CRAT: variants seen among roughly 807,000 people sequenced by gnomAD.
CRAT encodes the protein carnitine acetylase.
A neutral mutation model predicts 73.7 loss-of-function variants in CRAT; 66 were observed. That is an observed-to-expected ratio of 0.90 (90% CI 0.73 to 1.10). The LOEUF (loss-of-function observed/expected upper bound fraction) is 1.10, where lower values mean the gene tolerates loss of function less well. Ranked by LOEUF, CRAT falls within the 50% of genes least tolerant of loss-of-function variation. The pLI, the probability that CRAT is intolerant of heterozygous loss-of-function variation, is 0.00. For missense variants in CRAT, 745 were observed against 846.9 expected (o/e 0.88, Z 1.49); for synonymous variants, 321 against 343.2 (o/e 0.94, Z 0.71).
In CRAT at chr9:129,103,107, C is replaced by A. The variant is rs757871900; in HGVS notation, c.411-41G>T. ...AGAGATTAGAAGCTGCGTGGACACC[C>A]TGAGGGAGGCCCCGGGCTAGGGACA... On this transcript the variant is annotated intron_variant, in intron 3 of 13. Coordinates refer to ENST00000318080, the MANE Select transcript of CRAT (RefSeq NM_000755.5). The surrounding 1 kb of genome is among the most constrained non-coding windows in gnomAD (Gnocchi z 4.6). 6.3e-7 allele frequency: 1 copy of A among 1,575,696 alleles called. No homozygotes were observed.
rs1466679366 is a variant in CRAT at position 129,110,014 on chromosome 9, C to T, written c.27+469G>A. On this transcript the variant is annotated intron_variant, in intron 1 of 13. Transcript: ENST00000318080. The surrounding 1 kb of genome is among the most constrained non-coding windows in gnomAD (Gnocchi z 5.3). ...TTCTGAGGCCTTTCTAGCTTGATGC[C>T]TCCGCGTGTTTCTCTGGCCACACAC... Among the ~76,000 whole-genome samples, 4 of 152,130 alleles carry T rather than the reference C, an allele frequency of 2.6e-5. No individual in the cohort carries two copies. Among genetic ancestry groups the T allele is most frequent in the Non-Finnish European group, 5.9e-5 (4 of 68,008 alleles).
rs1847828455 is a variant in CRAT, at chr9:129,103,706, G to A, written c.410+482C>T. Among the ~76,000 whole-genome samples the A allele has an allele frequency of 6.6e-6, 1 of 152,186 alleles. No individual in the cohort carries two copies. The highest frequency in any genetic ancestry group is 2.4e-5 in the African/African-American group (1 of 41,442). On this transcript the variant is annotated intron_variant, in intron 3 of 13. Transcript: ENST00000318080. This position sits in a 1 kb window ranked among gnomAD's most constrained non-coding sequence, Gnocchi z 4.6. Reference sequence around the variant, plus strand: ...CCTGGTCCCTTTAAGAGAAGCAGGTGGTGGCAGCCAGTGGCTGGTCCTTGG... The same window carrying A: ...CCTGGTCCCTTTAAGAGAAGCAGGTAGTGGCAGCCAGTGGCTGGTCCTTGG...
At chr9:129,109,243 GC>G in intron 1 of CRAT, 1 of 1,304,206 alleles carries the variant, frequency 7.7e-7, no homozygotes, top group Non-Finnish European at 1.0e-6. Context: ...AGACTGCCTG[GC>G]CGCTGAGGTT....
chr9:129,104,936 T>C lies in CRAT; in HGVS notation c.292-630A>G, dbSNP rs1365143518. On this transcript the variant is annotated intron_variant, in intron 2 of 13. Coordinates refer to ENST00000318080, the MANE Select transcript of CRAT (RefSeq NM_000755.5). ...TTTTTTTTGAGACGGAGTCTCGCTC[T>C]GTCCCCCACGCTGGAGTGCAGTGGC... Among the ~76,000 whole-genome samples, 11 of 134,532 alleles carry C rather than the reference T, an allele frequency of 8.2e-5. No homozygotes were observed. The Admixed American group carries it at 8.9e-4, about 11-fold the overall frequency. The allele number at this position is 134,532 out of a possible 152,430, so 88.3% of individuals were successfully genotyped here. A position where few individuals can be genotyped will look rare whatever the true frequency, so the allele number is the denominator to read the frequency against.
At chr9:129,100,323 C>G (rs1378014365) in intron 7 of CRAT, 188 bp downstream of exon 7, 1 of 711,108 alleles carries the variant, frequency 1.4e-6, no homozygotes, top group African/African-American at 1.8e-5. Flanking sequence ...GGTTTCCAGG[C>G]CAGAGGCAGG....
At chr9:129,100,105 T>C (rs1467270579) in intron 7 of CRAT, 139 bp from the exon 8 acceptor site, 2 of 628,932 alleles carry the variant, frequency 3.2e-6, no homozygotes, top group South Asian at 4.0e-5. Context: ...TTATTAACAA[T>C]AGCTGACACT....
At chr9:129,102,852 T>C (rs1011559500) in intron 4 of CRAT, among the ~76,000 whole-genome samples, 161 bp downstream of exon 4, 10 of 151,986 alleles carry the variant, frequency 6.6e-5, no homozygotes, top group Admixed American at 5.9e-4. Flanking sequence ...TCCTCTTTAG[T>C]TGGGATGGGA....
rs1848346853 is a variant in CRAT, at chr9:129,110,399, G to A, written c.27+84C>T. 5 of 1,377,198 alleles carry A rather than the reference G, an allele frequency of 3.6e-6. No homozygotes were observed. The highest frequency in any genetic ancestry group is 1.5e-5 in the African/African-American group (1 of 65,694). 85.3% of individuals were successfully genotyped at this position (1,377,198 alleles called of 1,614,324 possible). ...GAGGCCGGGTCGAACAGCGGCCGCA[G>A]GACGCGGTCTCCGTTCCCGGACGCA... is the stretch of plus-strand genomic sequence containing the variant. On this transcript the variant is annotated intron_variant, in intron 1 of 13. Transcript: ENST00000318080. The surrounding 1 kb of genome is among the most constrained non-coding windows in gnomAD (Gnocchi z 5.3).
intron 4 of CRAT, 112 bp from the exon 5 acceptor site, chr9:129,102,677 C>T: frequency 1.6e-6 from 2 of 1,237,092 alleles, no homozygotes; most frequent in Non-Finnish European, 2.3e-6. Context: ...GTCCCTGCTC[C>T]CACTCCCAGA....
chr9:129,103,651 G>A lies in CRAT; in HGVS notation c.410+537C>T, dbSNP rs1204121426. Among the ~76,000 whole-genome samples the A allele has an allele frequency of 6.6e-6, 1 of 152,148 alleles. No individual in the cohort carries two copies. Among genetic ancestry groups the A allele is most frequent in the Non-Finnish European group, 1.5e-5 (1 of 68,006 alleles). The stretch of plus-strand genomic sequence containing the variant: ...ATGGGGACCAGTGGCTGGAGTTCCT[G>A]GGCCTGAACCCCGGCCCTTCCCAGG... On this transcript the variant is annotated intron_variant, in intron 3 of 13. Coordinates refer to ENST00000318080, the MANE Select transcript of CRAT (RefSeq NM_000755.5). This position sits in a 1 kb window ranked among gnomAD's most constrained non-coding sequence, Gnocchi z 4.6.
chr9:129,100,774 C>G (rs544167513), intron 6 of CRAT, 85 bp from the exon 7 acceptor site: 8 of 1,467,694 alleles, frequency 5.5e-6, no homozygotes, highest in East Asian at 2.5e-5. Flanking sequence ...GCCTCCTGCC[C>G]TGGGCTCTTC....
Position 129,104,318 on chromosome 9 carries a change from G to GC in CRAT, c.292-13dup. On this transcript the variant is annotated splice_polypyrimidine_tract_variant and intron_variant, in intron 2 of 13. Transcript: ENST00000318080. ...CACCACTCAGACAGCTGGGAAAAGT[G>GC]CCAGAGCCTGTCAGGAGGGGTGCAT... 1 of 1,606,666 alleles carries GC rather than the reference G, an allele frequency of 6.2e-7. No individual in the cohort carries two copies. The highest frequency in any genetic ancestry group is 8.5e-7 in the Non-Finnish European group (1 of 1,173,708).
chr9:129,109,256 C>T (rs544688331), intron 1 of CRAT: 11 of 1,304,082 alleles, frequency 8.4e-6, no homozygotes, highest in African/African-American at 6.1e-5. Context: ...GCTGAGGTTA[C>T]ACCACAGCCC....
At chr9:129,102,975 G>A (rs1257383355) in intron 4 of CRAT, 38 bp downstream of exon 4, 2 of 1,585,226 alleles carry the variant, frequency 1.3e-6, no homozygotes, top group South Asian at 2.2e-5. Flanking sequence ...AAGCAGGCCT[G>A]GGCAGGTGTG....
chr9:129,109,321 C>T, intron 1 of CRAT: 2 of 1,282,914 alleles, frequency 1.6e-6, no homozygotes, highest in Non-Finnish European at 2.1e-6. Flanking sequence ...CAGGAAAAGG[C>T]CATCAGTGGA....
At chr9:129,109,204 T>C in intron 1 of CRAT, 3 of 1,304,218 alleles carry the variant, frequency 2.3e-6, no homozygotes, top group Non-Finnish European at 3.0e-6. Flanking sequence ...AAGATCGTTT[T>C]GATGAGGGAA....
Position 129,100,675 on chromosome 9 carries a change from C to T in CRAT, c.820G>A (p.Asp274Asn). The T allele has an allele frequency of 6.2e-7, 1 of 1,613,528 alleles. No individual in the cohort carries two copies. The highest frequency in any genetic ancestry group is 8.5e-7 in the Non-Finnish European group (1 of 1,179,640). The change falls in exon 7 of 14, where the codon GAT becomes AAT. Residue 274 changes from aspartate to asparagine, a missense_variant. Physicochemically the swap from Asp to Asn is conservative, Grantham distance 23. Coordinates refer to ENST00000318080, the MANE Select transcript of CRAT (RefSeq NM_000755.5). ...CTCTTCTGGATGGAGCGCACGGAAT[C>T]CCGGTTCACCTTGTCTGCAGGTGGC... is the stretch of plus-strand genomic sequence containing the variant. ...NTLIKDKVNR[D>N]SVRSIQKSIF...
chr9:129,106,014 C>T lies in CRAT; in HGVS notation c.292-1708G>A, dbSNP rs1277138446. On this transcript the variant is annotated intron_variant, in intron 2 of 13. Coordinates refer to ENST00000318080, the MANE Select transcript of CRAT (RefSeq NM_000755.5). The surrounding 1 kb of genome is among the most constrained non-coding windows in gnomAD (Gnocchi z 4.0). ...CAGTACAGCTTTCTCTGGCCTTCCA[C>T]CCCCAGAGACCTGGGCCCACCTGCG... Among the ~76,000 whole-genome samples, 1 of 152,172 alleles carries T rather than the reference C, an allele frequency of 6.6e-6. No individual in the cohort carries two copies. The highest frequency in any genetic ancestry group is 6.5e-5 in the Admixed American group (1 of 15,278).
At chr9:129,096,318 C>A (rs1016076089) in intron 12 of CRAT, among the ~76,000 whole-genome samples, 183 bp from the exon 13 acceptor site, 5 of 152,160 alleles carry the variant, frequency 3.3e-5, no homozygotes, top group African/African-American at 1.2e-4. Flanking sequence ...CAGGGAGGGG[C>A]GGGGATTTGC....
Sources: gnomAD v4.1 joint callset for allele counts (sites outside exome capture counted in the v4.1 genomes callset) on GRCh38, gnomAD v4.1.1 for gene constraint, Gnocchi (gnomAD v3.1) non-coding constraint, MANE v1.5 for transcripts, NCBI Gene and HGNC (gene_info 2026-07-23, HGNC 2026-07-21) for gene names.